The following SMOC2 variants were observed in gnomAD, a reference collection of about 807,000 sequenced individuals.
SMOC2 encodes the protein SPARC related modular calcium binding 2.
In SMOC2, 39 loss-of-function variants were observed where a neutral mutation model predicts 61.4. That is an observed-to-expected ratio of 0.64 (90% CI 0.49 to 0.83). The LOEUF is 0.83. SMOC2 is among the 40% of genes least tolerant of loss of function. SMOC2 has a pLI of 0.00. For synonymous variants in SMOC2, 247 were observed against 239.9 expected (o/e 1.03, Z -0.27); for missense variants, 556 against 592.9 (o/e 0.94, Z 0.65).
At chr6:168,529,515 G>T (rs894183905) in intron 4 of SMOC2, among the ~76,000 whole-genome samples, 7 of 152,196 alleles carry the variant, frequency 4.6e-5, no homozygotes, top group Admixed American at 1.3e-4. Context: ...ATATTCCGCA[G>T]GTCTACAGAG....
At position 168,617,834 on chromosome 6, in the gene SMOC2, C is replaced by T. The variant is rs1038786040; in HGVS notation, c.907+9595C>T. Among the ~76,000 whole-genome samples, 5 of 152,242 alleles carry T rather than the reference C, an allele frequency of 3.3e-5. 1 individual carries two copies. Among genetic ancestry groups the T allele is most frequent in the Non-Finnish European group, 7.3e-5 (5 of 68,048 alleles). On this transcript the variant is annotated intron_variant, in intron 9 of 12. Coordinates refer to ENST00000356284, the MANE Select transcript of SMOC2 (RefSeq NM_001166412.2). ...CCCAGTGCATTTTCTGTTTTCTTCT[C>T]TCCGCCATGCATGGGACTGTATCTC... is the stretch of plus-strand genomic sequence containing the variant.
intron 1 of SMOC2, among the ~76,000 whole-genome samples, chr6:168,465,505 T>G (rs1186177403): frequency 6.6e-6 from 1 of 151,076 alleles, no homozygotes; most frequent in East Asian, 1.9e-4. Flanking sequence ...TTTTAGAAAT[T>G]GCTATGTGAG....
At chr6:168,579,172 CG>C (rs781768024) in intron 7 of SMOC2, among the ~76,000 whole-genome samples, 12 of 152,224 alleles carry the variant, frequency 7.9e-5, no homozygotes, top group South Asian at 4.1e-4. Context: ...CTGTTCCCCT[CG>C]GGGTGGGCAG....
chr6:168,585,913 A>G lies in SMOC2; in HGVS notation c.638-12905A>G, dbSNP rs908993689. Among the ~76,000 whole-genome samples, 10 of 152,228 alleles carry G rather than the reference A, an allele frequency of 6.6e-5. No homozygotes were observed. The East Asian group carries it at 1.9e-3, about 29-fold the overall frequency. ...CACCTGGAGTCTTTGTCAGCTGTGT[A>G]TATTAGGGATCTCTTCTCCCAGTCT... On this transcript the variant is annotated intron_variant, in intron 7 of 12. Transcript: ENST00000356284.
chr6:168,565,838 C>G (rs904120444), intron 7 of SMOC2, among the ~76,000 whole-genome samples: 1 of 152,108 alleles, frequency 6.6e-6, no homozygotes, highest in Non-Finnish European at 1.5e-5. Flanking sequence ...CTTGTGATGT[C>G]TAGTAAAGAA....
intron 4 of SMOC2, among the ~76,000 whole-genome samples, chr6:168,533,561 G>A (rs1184564134): frequency 2.6e-5 from 4 of 152,134 alleles, no homozygotes; most frequent in Non-Finnish European, 5.9e-5. Context: ...TGAGATCAAC[G>A]AGGCAGCTGC....
intron 7 of SMOC2, among the ~76,000 whole-genome samples, chr6:168,567,500 C>T (rs372019225): frequency 4.7e-5 from 7 of 148,700 alleles, no homozygotes; most frequent in Admixed American, 1.4e-4. Context: ...TTTATTTGTG[C>T]GTGTGTGTGT....
intron 1 of SMOC2, among the ~76,000 whole-genome samples, chr6:168,497,694 A>G: frequency 6.6e-6 from 1 of 152,210 alleles, no homozygotes; most frequent in Admixed American, 6.5e-5. Flanking sequence ...CCTGGCTCAG[A>G]TGAAGTGAGA....
chr6:168,442,223 G>C (rs577957016), intron 1 of SMOC2, among the ~76,000 whole-genome samples: 1 of 152,396 alleles, frequency 6.6e-6, no homozygotes, highest in East Asian at 1.9e-4. Context: ...GTTCTTCCTC[G>C]TGGCAGGGAT....
At chr6:168,507,481 C>G (rs574722322) in intron 1 of SMOC2, among the ~76,000 whole-genome samples, 1 of 152,192 alleles carries the variant, frequency 6.6e-6, no homozygotes, top group Non-Finnish European at 1.5e-5. Flanking sequence ...ACCTGTGAGG[C>G]GCCTGTGACT....
chr6:168,524,104 T>G (rs1226514801), intron 2 of SMOC2, among the ~76,000 whole-genome samples: 1 of 152,190 alleles, frequency 6.6e-6, no homozygotes, highest in African/African-American at 2.4e-5. Flanking sequence ...CATGACTGTT[T>G]CTGAGTGCTC....
Position 168,643,153 on chromosome 6 carries a change from C to T in SMOC2, c.908-7528C>T, listed in dbSNP as rs114934268. ...GGTCCCCGTTCCAAACTTCGCCTCACAGCCCCTTCCCTGGACCACACAGCA... is the reference window on the plus strand; with the variant it reads ...GGTCCCCGTTCCAAACTTCGCCTCATAGCCCCTTCCCTGGACCACACAGCA... On this transcript the variant is annotated intron_variant, in intron 9 of 12. Coordinates refer to ENST00000356284, the MANE Select transcript of SMOC2 (RefSeq NM_001166412.2). Among the ~76,000 whole-genome samples, 612 of 152,284 alleles carry T rather than the reference C, an allele frequency of 4.0e-3. 4 individuals carry two copies. The highest frequency in any genetic ancestry group is 0.014 in the African/African-American group (589 of 41,556).
intron 1 of SMOC2, among the ~76,000 whole-genome samples, chr6:168,476,502 A>G (rs986050735): frequency 4.0e-5 from 6 of 150,244 alleles, no homozygotes; most frequent in Non-Finnish European, 7.4e-5. Context: ...GTGTGTGTCT[A>G]TGTATGGTAT....
At chr6:168,571,237 C>G (rs1214716038) in intron 7 of SMOC2, among the ~76,000 whole-genome samples, 1 of 152,140 alleles carries the variant, frequency 6.6e-6, no homozygotes, top group Non-Finnish European at 1.5e-5. Flanking sequence ...TATTAACAAG[C>G]AAGGAAAATA....
intron 9 of SMOC2, among the ~76,000 whole-genome samples, chr6:168,624,366 C>T (rs370756893): frequency 6.6e-6 from 1 of 152,166 alleles, no homozygotes. Flanking sequence ...AGACGAAGCT[C>T]GCTAGAGAAA....
intron 3 of SMOC2, among the ~76,000 whole-genome samples, chr6:168,526,879 T>C (rs2255676): frequency 0.68 from 103,570 of 152,024 alleles, 37,440 homozygotes; most frequent in Non-Finnish European, 0.8. Context: ...TCCAACCTGA[T>C]GGGCCCACAG....
intron 9 of SMOC2, among the ~76,000 whole-genome samples, chr6:168,614,192 C>T (rs1487853878): frequency 1.3e-5 from 1 of 76,692 alleles, no homozygotes; most frequent in African/African-American, 5.6e-5. Flanking sequence ...TTCACACCTA[C>T]AGCCAGCACA....
intron 9 of SMOC2, among the ~76,000 whole-genome samples, chr6:168,620,798 G>A (rs1301202555): frequency 6.6e-6 from 1 of 152,190 alleles, no homozygotes; most frequent in East Asian, 1.9e-4. Context: ...CCAGAGCACT[G>A]CGGTTATTAC....
intron 3 of SMOC2, 35 bp downstream of exon 3, chr6:168,526,487 G>A (rs1203868070): frequency 1.9e-6 from 3 of 1,564,420 alleles, no homozygotes; most frequent in Non-Finnish European, 2.6e-6. Flanking sequence ...CTGCACCTGT[G>A]CGATTAGGGA....
Sources: gnomAD v4.1 joint callset for allele counts (sites outside exome capture counted in the v4.1 genomes callset) on GRCh38, gnomAD v4.1.1 for gene constraint, MANE v1.5 for transcripts, NCBI Gene and HGNC (gene_info 2026-07-23, HGNC 2026-07-21) for gene names.